The following MLPH variants were observed in gnomAD, a reference collection of about 807,000 sequenced individuals.
MLPH encodes the protein melanophilin, also known as exophilin-3.
Under a neutral mutation model 72.1 loss-of-function variants are expected in MLPH, and 51 were observed. The ratio of observed to expected loss-of-function variants is 0.71; its 90% confidence interval spans 0.56 to 0.89. MLPH has a LOEUF of 0.89. MLPH is among the 40% of genes least tolerant of loss of function. The probability of loss-of-function intolerance (pLI) is 0.00; values close to 1 mark genes in which losing one functional copy is unlikely to be tolerated. For synonymous variants in MLPH, 301 were observed against 310.1 expected, an observed-to-expected ratio of 0.97 and a Z score of 0.31; for missense variants, 743 against 759.9, an observed-to-expected ratio of 0.98 and a Z score of 0.26.
chr2:237,526,292 G>A (rs2106341041), intron 7 of MLPH, among the ~76,000 whole-genome samples: 1 of 152,204 alleles, frequency 6.6e-6, no homozygotes, highest in African/African-American at 2.4e-5. Flanking sequence ...TGTCTTTTCT[G>A]GTACCCCAAG....
At chr2:237,532,719 CAG>C (rs1484232639) in intron 8 of MLPH, among the ~76,000 whole-genome samples, 2 of 152,256 alleles carry the variant, frequency 1.3e-5, no homozygotes, top group African/African-American at 4.8e-5. Flanking sequence ...GGTGCCCACA[CAG>C]GGTCAGATGC....
chr2:237,527,912 T>C (rs1022781178), intron 8 of MLPH, among the ~76,000 whole-genome samples: 2 of 152,078 alleles, frequency 1.3e-5, no homozygotes, highest in African/African-American at 4.8e-5. Flanking sequence ...GATAAAAAAA[T>C]GCAGGATGTA....
At position 237,553,721 on chromosome 2, in the gene MLPH, C is replaced by G. The variant is rs753773885; in HGVS notation, c.*129C>G. 2.3e-6 allele frequency: 3 copies of G among 1,298,794 alleles called. No homozygotes were observed. In the African/African-American group the frequency reaches 4.4e-5, roughly 19 times the overall value. The allele number at this position is 1,298,794 out of a possible 1,614,324, so 80.5% of individuals were successfully genotyped here. On this transcript the variant is annotated 3_prime_UTR_variant, in exon 16 of 16. Coordinates refer to ENST00000264605, the MANE Select transcript of MLPH (RefSeq NM_024101.7). ...CCCAATGAGAAACAAGAAGGAGCACCCTCCACATGGACTCCCACCTGCAAG... is the reference window on the plus strand; with the variant it reads ...CCCAATGAGAAACAAGAAGGAGCACGCTCCACATGGACTCCCACCTGCAAG...
chr2:237,520,936 G>A (rs1428741972), intron 6 of MLPH, among the ~76,000 whole-genome samples: 1 of 152,176 alleles, frequency 6.6e-6, no homozygotes, highest in Admixed American at 6.5e-5. Flanking sequence ...TTAAATATCT[G>A]TAATGGGTAT....
rs10177348 is a variant in MLPH, at chr2:237,499,036, C to A, written c.110+5500C>A. Reference sequence around the variant, plus strand: ...TTAGTTTGAAGCCTCCTCTTTTTCCCGCTGGCCCATTATTGGAATAAATTG... The same window carrying A: ...TTAGTTTGAAGCCTCCTCTTTTTCCAGCTGGCCCATTATTGGAATAAATTG... On this transcript the variant is annotated intron_variant, in intron 2 of 15. Transcript: ENST00000264605. Among the ~76,000 whole-genome samples, 7 of 151,832 alleles carry A rather than the reference C, an allele frequency of 4.6e-5. 1 individual carries two copies. In the South Asian group the frequency reaches 1.2e-3, roughly 27 times the overall value.
chr2:237,506,558 G>T (rs150306992), intron 2 of MLPH, among the ~76,000 whole-genome samples: 7 of 152,162 alleles, frequency 4.6e-5, no homozygotes, highest in Admixed American at 6.5e-5. Context: ...GAGCAAGCAG[G>T]GGGTACGTGA....
rs1384467452 is a variant in MLPH, at chr2:237,552,341, A to T, written c.1680A>T (p.Lys560Asn). ...CTCTTCCTGTTTTCCCCAAAGGTAA[A>T]GATGATGATTCTTTTGATCGGAAAT... ...KFSNSLKSQG[K>N]DDDSFDRKSV... Residue 560 changes from lysine (K) to asparagine (N), a missense_variant, in exon 15 of 16, where the codon AAA (lysine) becomes AAT (asparagine). Coordinates refer to ENST00000264605, the MANE Select transcript of MLPH (RefSeq NM_024101.7). 1 of 1,613,952 alleles carries T rather than the reference A, an allele frequency of 6.2e-7. No homozygotes were observed. Among genetic ancestry groups the T allele is most frequent in the Admixed American group, 1.7e-5 (1 of 60,006 alleles).
Position 237,519,888 on chromosome 2 carries a change from G to T in MLPH, c.556-22G>T, listed in dbSNP as rs1244270448. 5 of 1,613,750 alleles carry T rather than the reference G, an allele frequency of 3.1e-6. No homozygotes were observed. In the East Asian group the frequency reaches 1.1e-4, roughly 36 times the overall value. ...TCAAGCTAGCCCTGACTTGAGTCTT[G>T]CCCTGTCTTGTGCCTGCTAAGAAAA... On this transcript the variant is annotated intron_variant, in intron 5 of 15. Coordinates refer to ENST00000264605, the MANE Select transcript of MLPH (RefSeq NM_024101.7).
At position 237,512,287 on chromosome 2, in the gene MLPH, C is replaced by T. The variant is rs1414409006; in HGVS notation, c.445+1186C>T. 6.6e-6 allele frequency among the ~76,000 whole-genome samples: 1 copy of T among 152,234 alleles called. No individual in the cohort carries two copies. Among genetic ancestry groups the T allele is most frequent in the Non-Finnish European group, 1.5e-5 (1 of 68,042 alleles). On this transcript the variant is annotated intron_variant, in intron 4 of 15. Transcript: ENST00000264605. This position sits in a 1 kb window ranked among gnomAD's most constrained non-coding sequence, Gnocchi z 5.5. ...AGAAGTTGGCATAGACACCTTTGAGCATTCAAGCTCTCGCCGGGCCTGCTG... is the reference window on the plus strand; with the variant it reads ...AGAAGTTGGCATAGACACCTTTGAGTATTCAAGCTCTCGCCGGGCCTGCTG...
At position 237,510,313 on chromosome 2, in the gene MLPH, A is replaced by G; in HGVS notation, c.111-261A>G. On this transcript the variant is annotated intron_variant, in intron 2 of 15. Transcript: ENST00000264605. This position sits in a 1 kb window ranked among gnomAD's most constrained non-coding sequence, Gnocchi z 4.4. Reference sequence around the variant, plus strand: ...TTGTAAACAGCCACAGAAATGCTTAAATGCAATATCATTTCTATGAAATTA... The same window carrying G: ...TTGTAAACAGCCACAGAAATGCTTAGATGCAATATCATTTCTATGAAATTA... 3 of 544,738 alleles carry G rather than the reference A, an allele frequency of 5.5e-6. No individual in the cohort carries two copies. Among genetic ancestry groups the G allele is most frequent in the Non-Finnish European group, 1.0e-5 (3 of 301,380 alleles). The allele number at this position is 544,738 out of a possible 1,614,324, so 33.7% of individuals were successfully genotyped here.
At chr2:237,501,802 C>G (rs1050234224) in intron 2 of MLPH, among the ~76,000 whole-genome samples, 1 of 151,318 alleles carries the variant, frequency 6.6e-6, no homozygotes, top group South Asian at 2.1e-4. Flanking sequence ...GAGCTGAGAT[C>G]GCGCCACTGC....
chr2:237,538,229 A>G (rs1304626036), intron 9 of MLPH, among the ~76,000 whole-genome samples: 1 of 152,188 alleles, frequency 6.6e-6, no homozygotes, highest in African/African-American at 2.4e-5. Flanking sequence ...GCTTTCCCCC[A>G]GGAGGGCGGG....
Position 237,525,757 on chromosome 2 carries a change from C to T in MLPH, c.832C>T (p.Pro278Ser), listed in dbSNP as rs774503165. Residue 278 changes from proline (P) to serine (S), a missense_variant, in exon 7 of 16, where the codon CCG becomes TCG. Pro to Ser is a moderately conservative substitution (Grantham distance 74, BLOSUM62 -1). Transcript: ENST00000264605. ...SRHGALAELC[P>S]PGGSHRMALG... ...ACACGGCGCCCTGGCTGAGCTCTGC[C>T]CGCCTGGAGGCTCCCACAGGATGGC... 1 of 1,613,874 alleles carries T rather than the reference C, an allele frequency of 6.2e-7. No homozygotes were observed. Among genetic ancestry groups the T allele is most frequent in the Non-Finnish European group, 8.5e-7 (1 of 1,180,028 alleles).
chr2:237,518,362 G>T, intron 4 of MLPH, 177 bp from the exon 5 acceptor site: 1 of 695,844 alleles, frequency 1.4e-6, no homozygotes, highest in South Asian at 1.5e-5. Context: ...TGGGTGGATT[G>T]GTAGATGGGT....
chr2:237,527,350 T>G, intron 7 of MLPH, 27 bp from the exon 8 acceptor site: 1 of 1,614,134 alleles, frequency 6.2e-7, no homozygotes, highest in Non-Finnish European at 8.5e-7. Context: ...TCACTGCAAG[T>G]AATTCAAACC....
chr2:237,553,733 C>T lies in MLPH; in HGVS notation c.*141C>T, dbSNP rs564705567. ...CAAGAAGGAGCACCCTCCACATGGA[C>T]TCCCACCTGCAAGTGGACAGCGACA... On this transcript the variant is annotated 3_prime_UTR_variant, in exon 16 of 16. Coordinates refer to ENST00000264605, the MANE Select transcript of MLPH (RefSeq NM_024101.7). The T allele has an allele frequency of 1.7e-6, 2 of 1,147,682 alleles. No individual in the cohort carries two copies. Among genetic ancestry groups the T allele is most frequent in the South Asian group, 1.2e-5 (1 of 81,408 alleles). The allele number at this position is 1,147,682 out of a possible 1,614,324, so 71.1% of individuals were successfully genotyped here. A position where few individuals can be genotyped will look rare whatever the true frequency, so the allele number is the denominator to read the frequency against.
chr2:237,490,132 C>T (rs1574825125), intron 1 of MLPH, among the ~76,000 whole-genome samples: 2 of 152,156 alleles, frequency 1.3e-5, no homozygotes, highest in South Asian at 2.1e-4. Context: ...AGCAGGGTGG[C>T]GTCTGCCCTC....
chr2:237,499,166 G>A (rs1045386895), intron 2 of MLPH, among the ~76,000 whole-genome samples: 4 of 152,018 alleles, frequency 2.6e-5, no homozygotes, highest in Admixed American at 6.6e-5. Context: ...ACTGCTTCAC[G>A]GCAGAGTGTT....
rs143701698 is a variant in MLPH at position 237,542,639 on chromosome 2, C to T, written c.1519C>T (p.Arg507Trp). ...GLTVKPSGKP[R>W]RKSNLPIFLP... ...CACGGTGAAGCCCTCGGGAAAGCCCCGGAGGAAGTCAAACCTCCCGGTGAG... is the reference window on the plus strand; with the variant it reads ...CACGGTGAAGCCCTCGGGAAAGCCCTGGAGGAAGTCAAACCTCCCGGTGAG... Residue 507 changes from arginine to tryptophan, a missense_variant, in exon 12 of 16, where the codon CGG (arginine) becomes TGG (tryptophan). Coordinates refer to ENST00000264605, the MANE Select transcript of MLPH (RefSeq NM_024101.7). The T allele has an allele frequency of 8.4e-5, 133 of 1,587,984 alleles. No homozygotes were observed. Among genetic ancestry groups the T allele is most frequent in the Admixed American group, 1.2e-4 (7 of 56,152 alleles).
Sources: allele counts gnomAD v4.1 joint callset (sites outside exome capture counted in the v4.1 genomes callset), GRCh38; gene constraint gnomAD v4.1.1; non-coding constraint Gnocchi (gnomAD v3.1); transcripts MANE v1.5; gene names NCBI Gene and HGNC (gene_info 2026-07-23, HGNC 2026-07-21).